The following FMNL3 variants were observed in gnomAD, a reference collection of about 807,000 sequenced individuals.
FMNL3 encodes the protein formin-like protein 3.
FMNL3 carries 57 observed loss-of-function variants against 119.6 expected under a neutral mutation model. The observed-to-expected ratio is 0.48, with a 90% CI of 0.39 to 0.59. The LOEUF is 0.59. Among genes scored for constraint, FMNL3 ranks in the 20% least tolerant of loss-of-function variants. FMNL3 has a pLI of 0.00. For synonymous variants in FMNL3, 491 were observed against 507.3 expected (o/e 0.97, Z 0.43); for missense variants, 1,053 against 1,323.5 (o/e 0.80, Z 3.17).
intron 14 of FMNL3, 146 bp from the exon 15 acceptor site, chr12:49,651,596 G>C (rs1441674991): frequency 2.5e-6 from 2 of 804,478 alleles, no homozygotes; most frequent in Non-Finnish European, 1.8e-6. Context: ...TGCTCAAGCT[G>C]CTCCCAGAAA....
chr12:49,649,513 G>C lies in FMNL3; in HGVS notation c.2261C>G (p.Ser754Cys), dbSNP rs1175280731. 2 of 1,614,178 alleles carry C rather than the reference G, an allele frequency of 1.2e-6. No individual in the cohort carries two copies. The highest frequency in any genetic ancestry group is 1.7e-6 in the Non-Finnish European group (2 of 1,180,050). ...CTTCTGTGAAGACTTGACGGAAGCG[G>C]ACGCCGCAATGATGGCATTGAGTTG... is the stretch of plus-strand genomic sequence containing the variant. Reference protein sequence around the residue: ...TPQLNAIIAASASVKSSQKLK... With the variant: ...TPQLNAIIAACASVKSSQKLK... The change falls in exon 19 of 26, where the codon TCC (serine) becomes TGC (cysteine). Residue 754 changes from serine to cysteine, a missense_variant. Physicochemically the swap from Ser to Cys is moderately radical, Grantham distance 112. Transcript: ENST00000335154. This position sits in a 1 kb window ranked among gnomAD's most constrained non-coding sequence, Gnocchi z 5.6.
chr12:49,673,209 G>C (rs926205487), intron 1 of FMNL3, among the ~76,000 whole-genome samples: 2 of 152,204 alleles, frequency 1.3e-5, no homozygotes, highest in Middle Eastern at 3.2e-3. Flanking sequence ...AATGAGTGCT[G>C]TCCTGGGCAC....
intron 1 of FMNL3, among the ~76,000 whole-genome samples, chr12:49,682,785 C>T (rs1944369686): frequency 6.6e-6 from 1 of 152,098 alleles, no homozygotes; most frequent in Non-Finnish European, 1.5e-5. Flanking sequence ...TACCCTTGCC[C>T]CTTCAAAAGA....
intron 5 of FMNL3, 145 bp downstream of exon 5, chr12:49,661,821 C>A (rs1376813698): frequency 1.6e-5 from 12 of 762,138 alleles, no homozygotes; most frequent in Admixed American, 1.3e-4. Context: ...TGCCTACTTC[C>A]ACACCACTGC....
At chr12:49,670,840 A>G (rs1944026542) in intron 1 of FMNL3, among the ~76,000 whole-genome samples, 1 of 152,206 alleles carries the variant, frequency 6.6e-6, no homozygotes, top group African/African-American at 2.4e-5. Flanking sequence ...TCAACAAAAC[A>G]AGGACTCAAG....
intron 1 of FMNL3, among the ~76,000 whole-genome samples, chr12:49,681,604 C>G (rs1209018032): frequency 2.0e-5 from 3 of 152,256 alleles, no homozygotes; most frequent in Non-Finnish European, 4.4e-5. Context: ...GCTGCCCAGG[C>G]TGGAGTGCAG....
chr12:49,646,833 G>C, intron 25 of FMNL3, 53 bp downstream of exon 25: 1 of 1,609,552 alleles, frequency 6.2e-7, no homozygotes, highest in Non-Finnish European at 8.5e-7. Flanking sequence ...GTTAGGTTGA[G>C]CTTTGGGAGC....
chr12:49,657,284 T>G, intron 6 of FMNL3, 94 bp from the exon 7 acceptor site: 1 of 932,844 alleles, frequency 1.1e-6, no homozygotes, highest in Non-Finnish European at 1.7e-6. Flanking sequence ...GGCTGCCCCT[T>G]AGCAGTGGCA....
In FMNL3 at chr12:49,647,149, A is replaced by G. The variant is rs1207459644; in HGVS notation, c.2871+127T>C. 6.4e-7 allele frequency: 1 copy of G among 1,551,126 alleles called. No homozygotes were observed. ...AAAGGCCCTCCCTCCATCCCTCTGG[A>G]TGCCAGCCCACTGGCCCTCTGGGTG... On this transcript the variant is annotated intron_variant, in intron 24 of 25. Coordinates refer to ENST00000335154, the MANE Select transcript of FMNL3 (RefSeq NM_175736.5). This position sits in a 1 kb window ranked among gnomAD's most constrained non-coding sequence, Gnocchi z 4.9.
At chr12:49,676,586 C>T (rs1944197076) in intron 1 of FMNL3, among the ~76,000 whole-genome samples, 1 of 139,744 alleles carries the variant, frequency 7.2e-6, no homozygotes, top group South Asian at 2.5e-4. Context: ...AACATAAACT[C>T]CTTAAGGGTA....
rs374557034 is a variant in FMNL3, at chr12:49,651,940, T to A, written c.1596A>T (p.Pro532=). ...AGGGGTCGTCGTGGTTACCTGGTAA[T>A]GGGGGAGGTGGAGGGGGCAAGGGCG... The part of the protein sequence containing the change: ...PAPPLPPPPP[P]LPDKCPPAPP... The change falls in exon 14 of 26, where the codon CCA becomes CCT. Residue 532 remains proline (P), a synonymous_variant. Transcript: ENST00000335154. 22 of 1,586,632 alleles carry A rather than the reference T, an allele frequency of 1.4e-5. No individual in the cohort carries two copies. The highest frequency in any genetic ancestry group is 1.8e-5 in the Non-Finnish European group (21 of 1,164,214).
intron 25 of FMNL3, 126 bp downstream of exon 25, chr12:49,646,760 C>T: frequency 2.5e-6 from 4 of 1,598,388 alleles, no homozygotes; most frequent in Non-Finnish European, 3.4e-6. Flanking sequence ...AGCACTGTGG[C>T]CCAGGAGAGA....
chr12:49,702,528 T>C (rs1304357177), intron 1 of FMNL3, among the ~76,000 whole-genome samples: 1 of 152,140 alleles, frequency 6.6e-6, no homozygotes. Context: ...AGAGAATAAG[T>C]ATTACTTTAA....
intron 9 of FMNL3, among the ~76,000 whole-genome samples, 183 bp downstream of exon 9, chr12:49,656,221 G>A (rs1943564550): frequency 6.6e-6 from 1 of 152,126 alleles, no homozygotes; most frequent in Admixed American, 6.5e-5. Flanking sequence ...TTCCTGGCCT[G>A]AAGATCTAGT....
rs1390445278 is a variant in FMNL3, at chr12:49,645,913, AAG to A, written c.2996-12_2996-11del. The A allele has an allele frequency of 3.1e-6, 5 of 1,609,830 alleles. No homozygotes were observed. The highest frequency in any genetic ancestry group is 1.7e-5 in the Admixed American group (1 of 59,540). ...GGCTGGCAGTGGAGGCCTGTGGGGG[AAG>A]AGAGAGACCTGTGAACAGGATGGGA... On this transcript the variant is annotated splice_polypyrimidine_tract_variant and intron_variant, in intron 25 of 25. Coordinates refer to ENST00000335154, the MANE Select transcript of FMNL3 (RefSeq NM_175736.5).
At chr12:49,704,710 C>CAAAAAAAA (rs59799899) in intron 1 of FMNL3, among the ~76,000 whole-genome samples, 527 of 37,790 alleles carry the variant, frequency 0.014, 25 homozygotes, top group African/African-American at 0.023. Context: ...AACTCCATCT[C>CAAAAAAAA]AAAAAAAAAA....
chr12:49,657,383 A>G (rs1487261809), intron 6 of FMNL3, among the ~76,000 whole-genome samples, 193 bp from the exon 7 acceptor site: 1 of 152,178 alleles, frequency 6.6e-6, no homozygotes, highest in Non-Finnish European at 1.5e-5. Context: ...CTCCTTAAAC[A>G]GGCCTTTGTC....
At chr12:49,670,064 T>C (rs1023524703) in intron 1 of FMNL3, among the ~76,000 whole-genome samples, 2 of 152,226 alleles carry the variant, frequency 1.3e-5, no homozygotes, top group African/African-American at 4.8e-5. Flanking sequence ...GCCTCTCATC[T>C]TTCTCTCCTT....
In FMNL3 at chr12:49,642,923, C is replaced by G. The variant is rs1460701180; in HGVS notation, c.*2892G>C. The G allele has an allele frequency of 2.5e-6, 4 of 1,612,008 alleles. No homozygotes were observed. The African/African-American group carries it at 4.0e-5, about 16-fold the overall frequency. Reference sequence around the variant, plus strand: ...TGTCCTCACCCTTCTTCCTCTGCCTCTAGCAGACTGAATGCCAGCACCTCC... The same window carrying G: ...TGTCCTCACCCTTCTTCCTCTGCCTGTAGCAGACTGAATGCCAGCACCTCC... On this transcript the variant is annotated 3_prime_UTR_variant, in exon 26 of 26. Transcript: ENST00000335154. This position sits in a 1 kb window ranked among gnomAD's most constrained non-coding sequence, Gnocchi z 5.8.
Sources: gnomAD v4.1 joint callset for allele counts (sites outside exome capture counted in the v4.1 genomes callset) on GRCh38, gnomAD v4.1.1 for gene constraint, Gnocchi (gnomAD v3.1) non-coding constraint, MANE v1.5 for transcripts, NCBI Gene and HGNC (gene_info 2026-07-23, HGNC 2026-07-21) for gene names.